Variants in FGF23 observed in about 807,000 individuals in gnomAD.
FGF23 encodes the protein phosphatonin.
In FGF23, 8 loss-of-function variants were observed where a neutral mutation model predicts 9.0. That is an observed-to-expected ratio of 0.89 (90% confidence interval 0.52 to 1.60). The LOEUF (loss-of-function observed/expected upper bound fraction) is 1.60. Among genes scored for constraint, FGF23 ranks in the 40% most tolerant of loss-of-function variants. FGF23 has a pLI of 0.00. For missense variants in FGF23, 311 were observed against 344.3 expected, an observed-to-expected ratio of 0.90 and a Z score of 0.77; for synonymous variants, 118 against 146.2, an observed-to-expected ratio of 0.81 and a Z score of 1.39.
In FGF23 at chr12:4,370,258, A is replaced by G; in HGVS notation, c.*85T>C. ...CATACATGCCCCTGTCACCTTTCCC[A>G]TCCTCGGAACGTCAAGGGACCTGGT... On this transcript the variant is annotated 3_prime_UTR_variant, in exon 3 of 3. Coordinates refer to ENST00000237837, the MANE Select transcript of FGF23 (RefSeq NM_020638.3). The G allele has an allele frequency of 7.3e-7, 1 of 1,360,860 alleles. No homozygotes were observed. The highest frequency in any genetic ancestry group is 1.2e-5 in the South Asian group (1 of 85,892). 84.3% of individuals were successfully genotyped at this position (1,360,860 alleles called of 1,614,324 possible).
chr12:4,378,766 ATG>A (rs1865146009), intron 1 of FGF23, among the ~76,000 whole-genome samples: 7 of 150,726 alleles, frequency 4.6e-5, no homozygotes, highest in Admixed American at 1.3e-4. Flanking sequence ...GGATGGATGG[ATG>A]GATGGATGCA....
In FGF23 at chr12:4,379,467, A is replaced by G; in HGVS notation, c.116T>C (p.Leu39Pro). ...SPLLGSSWGG[L>P]IHLYTATARN... Reference sequence around the variant, plus strand: ...GGCTGTGGCTGTGTACAGGTGGATCAGGCCACCCCAGCTGGAGCCGAGCAG... The same window carrying G: ...GGCTGTGGCTGTGTACAGGTGGATCGGGCCACCCCAGCTGGAGCCGAGCAG... Residue 39 changes from leucine (L) to proline (P), a missense_variant, in exon 1 of 3, where the codon CTG becomes CCG. By Grantham distance (98) the Leu-to-Pro change is moderately conservative (BLOSUM62 -3). Coordinates refer to ENST00000237837, the MANE Select transcript of FGF23 (RefSeq NM_020638.3). The G allele has an allele frequency of 1.2e-6, 2 of 1,613,486 alleles. No homozygotes were observed. Among genetic ancestry groups the G allele is most frequent in the Non-Finnish European group, 8.5e-7 (1 of 1,180,018 alleles).
chr12:4,370,406 T>C lies in FGF23; in HGVS notation c.693A>G (p.Arg231=), dbSNP rs760588246. The change falls in exon 3 of 3, where the codon CGA becomes CGG. Residue 231 remains arginine, a synonymous_variant. Transcript: ENST00000237837. ...SDPLGVVRGG[R]VNTHAGGTGP... ...CCGTTCCCCCAGCGTGCGTGTTCAC[T>C]CGACCGCCCCTGACCACCCCTAATG... 1.5e-5 allele frequency: 25 copies of C among 1,613,664 alleles called. No homozygotes were observed. The South Asian group carries it at 2.2e-4, about 14-fold the overall frequency.
chr12:4,377,523 C>CG (rs577942940), intron 1 of FGF23, among the ~76,000 whole-genome samples: 330 of 146,330 alleles, frequency 2.3e-3, no homozygotes, highest in African/African-American at 8.0e-3. Flanking sequence ...CTCTGCCTCC[C>CG]GGGTTCACGC....
At chr12:4,375,754 A>G (rs1865110416) in intron 1 of FGF23, among the ~76,000 whole-genome samples, 1 of 152,218 alleles carries the variant, frequency 6.6e-6, no homozygotes, top group African/African-American at 2.4e-5. Flanking sequence ...CACATATAAA[A>G]TGAGGACAGC....
At chr12:4,372,093 G>T (rs561821452) in intron 2 of FGF23, among the ~76,000 whole-genome samples, 1 of 147,126 alleles carries the variant, frequency 6.8e-6, no homozygotes, top group Non-Finnish European at 1.5e-5. Context: ...ACCAAACACC[G>T]CATATTCTCA....
At chr12:4,374,862 A>G (rs535769431) in intron 1 of FGF23, among the ~76,000 whole-genome samples, 15 of 152,326 alleles carry the variant, frequency 9.8e-5, no homozygotes, top group African/African-American at 2.6e-4. Context: ...TAAGGAAACT[A>G]AGACAGGATT....
intron 1 of FGF23, among the ~76,000 whole-genome samples, chr12:4,378,292 G>A (rs2120744797): frequency 6.6e-6 from 1 of 152,116 alleles, no homozygotes; most frequent in Non-Finnish European, 1.5e-5. Flanking sequence ...AACAATAAAG[G>A]GCAAATCATA....
intron 1 of FGF23, among the ~76,000 whole-genome samples, chr12:4,377,624 G>T: frequency 6.9e-6 from 1 of 145,168 alleles, no homozygotes. Flanking sequence ...TAGAGATGGG[G>T]TTTCACTGTG....
chr12:4,378,146 C>T (rs901631723), intron 1 of FGF23, among the ~76,000 whole-genome samples: 2 of 152,136 alleles, frequency 1.3e-5, no homozygotes, highest in Admixed American at 6.6e-5. Context: ...CTGTCAATTT[C>T]GCATGTTATA....
intron 1 of FGF23, among the ~76,000 whole-genome samples, chr12:4,378,769 G>T: frequency 8.8e-6 from 1 of 113,656 alleles, no homozygotes; most frequent in Non-Finnish European, 2.0e-5. Context: ...TGGATGGATG[G>T]ATGGATGCAT....
Position 4,370,098 on chromosome 12 carries a change from T to TACC in FGF23, c.*242_*244dup, listed in dbSNP as rs1232725643. On this transcript the variant is annotated 3_prime_UTR_variant, in exon 3 of 3. Coordinates refer to ENST00000237837, the MANE Select transcript of FGF23 (RefSeq NM_020638.3). ...CTTCATGAAGGGGAAATTTCTAGTTTACCTGTTGGGGTTTCCTATTGGGAA... is the reference window on the plus strand; with the variant it reads ...CTTCATGAAGGGGAAATTTCTAGTTTACCACCTGTTGGGGTTTCCTATTGGGAA... 1 of 510,850 alleles carries TACC rather than the reference T, an allele frequency of 2.0e-6. No individual in the cohort carries two copies. Among genetic ancestry groups the TACC allele is most frequent in the African/African-American group, 1.9e-5 (1 of 52,060 alleles). The allele number at this position is 510,850 out of a possible 1,614,324, so 31.6% of individuals were successfully genotyped here.
Position 4,372,667 on chromosome 12 carries a change from C to T in FGF23, c.242G>A (p.Gly81Asp). Residue 81 changes from glycine to aspartate, a missense_variant, in exon 2 of 3, where the codon GGC (glycine) becomes GAC (aspartate). This residue lies in a region of FGF23 where 102 missense variants were observed against 108.2 expected (regional missense o/e 0.94). Coordinates refer to ENST00000237837, the MANE Select transcript of FGF23 (RefSeq NM_020638.3). ...CATCACACCTGTAATCACCACAAAGCCAGCATCCTCTGATCTGATCATCAG... is the reference window on the plus strand; with the variant it reads ...CATCACACCTGTAATCACCACAAAGTCAGCATCCTCTGATCTGATCATCAG... Reference protein sequence around the residue: ...SALMIRSEDAGFVVITGVMSR... With the variant: ...SALMIRSEDADFVVITGVMSR... The T allele has an allele frequency of 1.2e-6, 2 of 1,613,410 alleles. No homozygotes were observed. The highest frequency in any genetic ancestry group is 1.7e-6 in the Non-Finnish European group (2 of 1,179,378).
In FGF23 at chr12:4,370,162, A is replaced by G. The variant is rs886049409; in HGVS notation, c.*181T>C. The G allele has an allele frequency of 3.7e-5, 23 of 620,640 alleles. No homozygotes were observed. The highest frequency in any genetic ancestry group is 8.7e-4 in the Middle Eastern group (2 of 2,300). 38.4% of individuals were successfully genotyped at this position (620,640 alleles called of 1,614,324 possible). ...GGAGTGAGGAAGGCGGTGAAACCCC[A>G]TGACTTGGGCCTCAAAGGTTGGTTC... On this transcript the variant is annotated 3_prime_UTR_variant, in exon 3 of 3. Transcript: ENST00000237837.
At chr12:4,374,816 G>T (rs969449373) in intron 1 of FGF23, among the ~76,000 whole-genome samples, 33 of 152,118 alleles carry the variant, frequency 2.2e-4, no homozygotes, top group African/African-American at 8.0e-4. Flanking sequence ...ATTATTATTA[G>T]TAGTAGTAGT....
rs1591675617 is a variant in FGF23 at position 4,379,573 on chromosome 12, C to T, written c.10G>A (p.Ala4Thr). 1.0e-5 allele frequency: 16 copies of T among 1,601,190 alleles called. No homozygotes were observed. The highest frequency in any genetic ancestry group is 2.0e-4 in the Middle Eastern group (1 of 4,984). ...GCACAGACCCAGAGCCTGAGGCGGGCCCCCAACATCGTGCCCTGCTCTGAG... is the reference window on the plus strand; with the variant it reads ...GCACAGACCCAGAGCCTGAGGCGGGTCCCCAACATCGTGCCCTGCTCTGAG... MLGARLRLWVCALC... is the reference protein window; with the variant it reads MLGTRLRLWVCALC... Residue 4 changes from alanine to threonine, a missense_variant, in exon 1 of 3, where the codon GCC becomes ACC. Physicochemically the swap from Ala to Thr is moderately conservative, Grantham distance 58. Transcript: ENST00000237837.
Position 4,372,698 on chromosome 12 carries a change from C to A in FGF23, c.212-1G>T. The A allele has an allele frequency of 6.2e-7, 1 of 1,605,662 alleles. No homozygotes were observed. Among genetic ancestry groups the A allele is most frequent in the Non-Finnish European group, 8.5e-7 (1 of 1,172,526 alleles). On this transcript the variant is annotated splice_acceptor_variant, in intron 1 of 2. Transcript: ENST00000237837. LOFTEE classifies it high-confidence loss of function. ...TCCTCTGATCTGATCATCAGGGCAC[C>A]TATGGAGAAAAACAGGCAGGGCAAA...
intron 1 of FGF23, among the ~76,000 whole-genome samples, chr12:4,378,642 C>T (rs13312755): frequency 4.5e-4 from 69 of 152,230 alleles, no homozygotes; most frequent in African/African-American, 1.6e-3. Context: ...GACTGGACAC[C>T]TTTCAGTTCC....
At chr12:4,377,857 GTGTCT>G (rs1462608712) in intron 1 of FGF23, among the ~76,000 whole-genome samples, 2 of 152,236 alleles carry the variant, frequency 1.3e-5, no homozygotes, top group African/African-American at 4.8e-5. Context: ...TTGAAGGGTT[GTGTCT>G]TAGTTTTCAG....
Sources: allele counts gnomAD v4.1 joint callset (sites outside exome capture counted in the v4.1 genomes callset), GRCh38; gene constraint gnomAD v4.1.1; regional missense constraint gnomAD v4.1.1; transcripts MANE v1.5; gene names NCBI Gene and HGNC (gene_info 2026-07-23, HGNC 2026-07-21).